The following G3BP2 variants were observed in gnomAD, a reference collection of about 807,000 sequenced individuals.
The protein encoded by G3BP2 is G3BP stress granule assembly factor 2.
Under a neutral mutation model 56.7 loss-of-function variants are expected in G3BP2, and 11 were observed. That is an observed-to-expected ratio of 0.19 (90% confidence interval 0.12 to 0.32). The LOEUF (loss-of-function observed/expected upper bound fraction) is 0.32, where lower values mean the gene tolerates loss of function less well. Among genes scored for constraint, G3BP2 ranks in the 10% least tolerant of loss-of-function variants. The pLI, the probability that G3BP2 is intolerant of heterozygous loss-of-function variation, is 1.00. For synonymous variants in G3BP2, 165 were observed against 191.6 expected (o/e 0.86, Z 1.15); for missense variants, 340 against 610.9 (o/e 0.56, Z 4.67).
intron 2 of G3BP2, among the ~76,000 whole-genome samples, chr4:75,721,858 G>C (rs1481055897): frequency 6.6e-6 from 1 of 152,122 alleles, no homozygotes; most frequent in African/African-American, 2.4e-5. Flanking sequence ...TTTAGAAAAA[G>C]ATCACTCTTA....
At chr4:75,660,283 A>G (rs1450704660) in intron 2 of G3BP2, among the ~76,000 whole-genome samples, 1 of 152,156 alleles carries the variant, frequency 6.6e-6, no homozygotes, top group Non-Finnish European at 1.5e-5. Context: ...CCTCACATAC[A>G]TTGTCATAAA....
intron 3 of G3BP2, among the ~76,000 whole-genome samples, chr4:75,710,618 C>T (rs1421941374): frequency 6.6e-6 from 1 of 152,080 alleles, no homozygotes; most frequent in South Asian, 2.1e-4. Context: ...ATTTATTTGT[C>T]GAATAAATAA....
At chr4:75,653,835 C>A in intron 8 of G3BP2, 148 bp downstream of exon 8, 1 of 525,524 alleles carries the variant, frequency 1.9e-6, no homozygotes, top group Non-Finnish European at 3.5e-6. Flanking sequence ...GGAGATTTGA[C>A]ATTTAAAGTG....
chr4:75,659,009 G>A, intron 2 of G3BP2, 85 bp from the exon 3 acceptor site: 1 of 1,007,500 alleles, frequency 9.9e-7, no homozygotes, highest in South Asian at 1.3e-5. Context: ...CTAGGTTCCG[G>A]ATCCCGCTCT....
chr4:75,660,562 A>G (rs1732470959), intron 2 of G3BP2, among the ~76,000 whole-genome samples: 1 of 152,204 alleles, frequency 6.6e-6, no homozygotes. Context: ...AGGAATACAT[A>G]ATATACATAC....
At chr4:75,652,602 C>T (rs2148965192) in intron 8 of G3BP2, among the ~76,000 whole-genome samples, 1 of 152,240 alleles carries the variant, frequency 6.6e-6, no homozygotes, top group South Asian at 2.1e-4. Flanking sequence ...CCACTGCACT[C>T]CAGCCTGGGC....
intron 3 of G3BP2, among the ~76,000 whole-genome samples, chr4:75,704,379 G>A (rs898136874): frequency 2.0e-5 from 3 of 151,870 alleles, no homozygotes; most frequent in Admixed American, 2.0e-4. Context: ...GTGCAGTGGT[G>A]CTATCATGGC....
At chr4:75,707,119 A>G (rs577713368) in intron 3 of G3BP2, among the ~76,000 whole-genome samples, 236 of 149,358 alleles carry the variant, frequency 1.6e-3, no homozygotes, top group African/African-American at 5.6e-3. Flanking sequence ...AGTTGCAGTG[A>G]GCCAAGATCG....
intron 3 of G3BP2, among the ~76,000 whole-genome samples, chr4:75,681,002 A>G (rs1734050494): frequency 6.6e-6 from 1 of 151,400 alleles, no homozygotes; most frequent in Non-Finnish European, 1.5e-5. Context: ...AAAAAAAGAA[A>G]AACCGTGGCC....
At chr4:75,717,891 A>G (rs1719988745) in intron 3 of G3BP2, among the ~76,000 whole-genome samples, 1 of 152,186 alleles carries the variant, frequency 6.6e-6, no homozygotes, top group African/African-American at 2.4e-5. Context: ...CTGTAATCCC[A>G]GCACTTTGGG....
intron 3 of G3BP2, among the ~76,000 whole-genome samples, chr4:75,704,821 C>T (rs992057103): frequency 6.6e-6 from 1 of 151,902 alleles, no homozygotes; most frequent in Non-Finnish European, 1.5e-5. Context: ...TTAGTAGAGA[C>T]GGGGTTTTGC....
At chr4:75,666,084 C>T (rs1264473362) in intron 1 of G3BP2, among the ~76,000 whole-genome samples, 1 of 152,070 alleles carries the variant, frequency 6.6e-6, no homozygotes, top group Non-Finnish European at 1.5e-5. Flanking sequence ...TAAAATGGTA[C>T]ATAATACATA....
upstream of G3BP2, among the ~76,000 whole-genome samples, chr4:75,675,429 C>T (rs1477902557): frequency 2.0e-5 from 3 of 152,266 alleles, no homozygotes; most frequent in South Asian, 4.1e-4. Context: ...AACAGAGGCC[C>T]GAGAATTTGC....
chr4:75,704,549 G>A (rs1719471402), intron 3 of G3BP2, among the ~76,000 whole-genome samples: 1 of 151,950 alleles, frequency 6.6e-6, no homozygotes. Context: ...GAACTCCTAG[G>A]CTCAAGTAAT....
At chr4:75,721,450 G>T (rs1309401041) in intron 2 of G3BP2, among the ~76,000 whole-genome samples, 1 of 151,846 alleles carries the variant, frequency 6.6e-6, no homozygotes, top group Admixed American at 6.6e-5. Context: ...TAGAGACAGG[G>T]TTTTGCCACA....
chr4:75,656,423 GAA>G (rs952971968), intron 5 of G3BP2, among the ~76,000 whole-genome samples: 9 of 151,916 alleles, frequency 5.9e-5, no homozygotes, highest in African/African-American at 1.4e-4. Context: ...TCAGTAAAAG[GAA>G]AAAAGTTATA....
At chr4:75,718,223 CTTCT>C (rs1720003287) in intron 3 of G3BP2, among the ~76,000 whole-genome samples, 2 of 104,164 alleles carry the variant, frequency 1.9e-5, no homozygotes, top group Admixed American at 1.2e-4. Context: ...TTAGGTGTTT[CTTCT>C]TTCTTTCTTT....
At chr4:75,695,747 G>T (rs531029688) in intron 3 of G3BP2, among the ~76,000 whole-genome samples, 1 of 152,222 alleles carries the variant, frequency 6.6e-6, no homozygotes, top group East Asian at 1.9e-4. Context: ...GGCCGAGGCG[G>T]GTGAATCACA....
rs1732168012 is a variant in G3BP2, at chr4:75,656,991, A to G, written c.375T>C (p.Tyr125=). 6.7e-7 allele frequency: 1 copy of G among 1,494,372 alleles called. No homozygotes were observed. 92.6% of individuals were successfully genotyped at this position (1,494,372 alleles called of 1,614,324 possible). A position where few individuals can be genotyped will look rare whatever the true frequency, so the allele number is the denominator to read the frequency against. Residue 125 remains tyrosine (Y), a synonymous_variant, in exon 5 of 12, where the codon TAT becomes TAC. Coordinates refer to ENST00000359707, the MANE Select transcript of G3BP2 (RefSeq NM_203505.3). Reference sequence around the variant, plus strand: ...CATAACGAAACATATCATTGTGAACATAAAATTTATTTGGAACAGATCCCT... The same window carrying G: ...CATAACGAAACATATCATTGTGAACGTAAAATTTATTTGGAACAGATCCCT... ...APEGSVPNKF[Y]VHNDMFRYED...
Sources: allele counts gnomAD v4.1 joint callset (sites outside exome capture counted in the v4.1 genomes callset), GRCh38; gene constraint gnomAD v4.1.1; transcripts MANE v1.5; gene names NCBI Gene and HGNC (gene_info 2026-07-23, HGNC 2026-07-21).